CERKL: variants seen among roughly 807,000 people sequenced by gnomAD.
CERKL encodes ceramide kinase-like protein.
In CERKL, 61 loss-of-function variants were observed where a neutral mutation model predicts 63.4. That is an observed-to-expected ratio of 0.96 (90% CI 0.78 to 1.19). CERKL has a LOEUF of 1.19. CERKL is among the 50% of genes most tolerant of loss of function. The pLI is 0.00. For missense variants in CERKL, 675 were observed against 655.5 expected (o/e 1.03, Z -0.33); for synonymous variants, 250 against 230.5 (o/e 1.08, Z -0.77).
chr2:181,626,232 G>C (rs560775956), intron 1 of CERKL, among the ~76,000 whole-genome samples: 1 of 152,010 alleles, frequency 6.6e-6, no homozygotes, highest in South Asian at 2.1e-4. Context: ...TTTTTTGATG[G>C]ATCTCTGAAT....
At chr2:181,539,037 A>T in intron 12 of CERKL, 55 bp downstream of exon 12, 1 of 1,255,350 alleles carries the variant, frequency 8.0e-7, no homozygotes, top group Non-Finnish European at 1.2e-6. Flanking sequence ...CTTTCGTTGT[A>T]ATATTAGATT....
chr2:181,542,476 T>C (rs917353402), intron 11 of CERKL, among the ~76,000 whole-genome samples: 2 of 152,170 alleles, frequency 1.3e-5, no homozygotes, highest in African/African-American at 2.4e-5. Flanking sequence ...TTTATATAAA[T>C]TCACATTTTT....
At position 181,549,633 on chromosome 2, in the gene CERKL, C is replaced by T. The variant is rs1283975197; in HGVS notation, c.895+1G>A. 2 of 1,598,330 alleles carry T rather than the reference C, an allele frequency of 1.3e-6. No individual in the cohort carries two copies. The highest frequency in any genetic ancestry group is 1.7e-6 in the Non-Finnish European group (2 of 1,165,928). On this transcript the variant is annotated splice_donor_variant, in intron 6 of 12. Transcript: ENST00000410087. LOFTEE classifies it high-confidence loss of function. ...ATGAACTGCTTTGGAAGAATTCTTA[C>T]CCATTATAATGTGCAATGTTGCAGT...
chr2:181,587,443 C>T (rs977224222), intron 2 of CERKL, among the ~76,000 whole-genome samples: 1 of 152,098 alleles, frequency 6.6e-6, no homozygotes, highest in African/African-American at 2.4e-5. Context: ...AAAATTCAGC[C>T]AAATGTGTCA....
At chr2:181,539,371 G>A in intron 11 of CERKL, 107 bp from the exon 12 acceptor site, 1 of 733,886 alleles carries the variant, frequency 1.4e-6, no homozygotes, top group South Asian at 1.7e-5. Context: ...CATGTATGCT[G>A]ACATTTTAAT....
intron 1 of CERKL, among the ~76,000 whole-genome samples, chr2:181,615,107 G>A (rs937261430): frequency 6.6e-6 from 1 of 152,126 alleles, no homozygotes; most frequent in Non-Finnish European, 1.5e-5. Flanking sequence ...GTTCTTGCAA[G>A]GAACTTAAGT....
At chr2:181,555,338 A>T (rs891837814) in intron 5 of CERKL, among the ~76,000 whole-genome samples, 14 of 152,322 alleles carry the variant, frequency 9.2e-5, no homozygotes, top group African/African-American at 3.1e-4. Context: ...AAAGTAAAGC[A>T]AAAAGGTCAA....
intron 1 of CERKL, among the ~76,000 whole-genome samples, chr2:181,605,658 G>GA (rs1392784794): frequency 1.3e-5 from 2 of 151,814 alleles, no homozygotes; most frequent in Admixed American, 6.6e-5. Flanking sequence ...TACAGGAATA[G>GA]AAAAAAAATT....
intron 1 of CERKL, among the ~76,000 whole-genome samples, chr2:181,623,842 A>T (rs780493933): frequency 1.3e-5 from 2 of 152,208 alleles, no homozygotes; most frequent in African/African-American, 2.4e-5. Context: ...CATCCCTCTT[A>T]GCATGGGCAT....
At chr2:181,539,070 G>T in intron 12 of CERKL, 22 bp downstream of exon 12, 1 of 1,474,634 alleles carries the variant, frequency 6.8e-7, no homozygotes, top group Non-Finnish European at 9.5e-7. Flanking sequence ...TTGACAATAA[G>T]CGGTGAAATA....
intron 2 of CERKL, chr2:181,603,182 CA>C (rs34538267): frequency 1.4e-5 from 3 of 210,046 alleles, no homozygotes; most frequent in South Asian, 6.5e-5. Flanking sequence ...TAAGATTATT[CA>C]AAAAAATCTT....
chr2:181,593,930 C>T (rs533907153), intron 2 of CERKL, among the ~76,000 whole-genome samples: 14 of 151,474 alleles, frequency 9.2e-5, no homozygotes, highest in African/African-American at 3.1e-4. Flanking sequence ...TCTTGTTCTA[C>T]CACTTTATAA....
intron 1 of CERKL, among the ~76,000 whole-genome samples, chr2:181,630,273 T>C (rs1359548000): frequency 6.6e-6 from 1 of 152,108 alleles, no homozygotes; most frequent in Non-Finnish European, 1.5e-5. Flanking sequence ...CTTGAACTTC[T>C]GGGCTTAAGC....
At position 181,539,129 on chromosome 2, in the gene CERKL, C is replaced by T. The variant is rs544122780; in HGVS notation, c.1501G>A (p.Gly501Ser). 2 of 1,608,198 alleles carry T rather than the reference C, an allele frequency of 1.2e-6. No homozygotes were observed. Among genetic ancestry groups the T allele is most frequent in the African/African-American group, 1.3e-5 (1 of 74,876 alleles). ...TCTGATGCAACTTCCATTAAGTCAC[C>T]ATCTACATTCCAAGGGAAACAATTT... Reference protein sequence around the residue: ...SENCFPWNVDGDLMEVASEVH... With the variant: ...SENCFPWNVDSDLMEVASEVH... Residue 501 changes from glycine to serine, a missense_variant, in exon 12 of 13, where the codon GGT becomes AGT. Transcript: ENST00000410087.
intron 2 of CERKL, among the ~76,000 whole-genome samples, chr2:181,597,379 C>T (rs900814252): frequency 6.6e-5 from 10 of 152,002 alleles, no homozygotes; most frequent in Admixed American, 5.2e-4. Context: ...CTTCTTTTTT[C>T]CAACATAGCT....
At chr2:181,596,272 T>A (rs1685205709) in intron 2 of CERKL, among the ~76,000 whole-genome samples, 1 of 152,208 alleles carries the variant, frequency 6.6e-6, no homozygotes, top group Non-Finnish European at 1.5e-5. Flanking sequence ...ATAATTTTCT[T>A]GTATAAGACA....
chr2:181,597,454 G>A (rs1394250981), intron 2 of CERKL, among the ~76,000 whole-genome samples: 3 of 152,164 alleles, frequency 2.0e-5, no homozygotes, highest in Non-Finnish European at 4.4e-5. Context: ...AAATGGACAA[G>A]TTTCTAATGG....
chr2:181,580,916 C>T (rs565574210), intron 2 of CERKL, among the ~76,000 whole-genome samples: 25 of 152,136 alleles, frequency 1.6e-4, no homozygotes, highest in African/African-American at 5.5e-4. Flanking sequence ...AAAAAATGCC[C>T]GTTTCTTTGG....
intron 1 of CERKL, among the ~76,000 whole-genome samples, chr2:181,648,433 C>T (rs4018755): frequency 0.44 from 66,702 of 151,788 alleles, 16,258 homozygotes; most frequent in South Asian, 0.78. Context: ...CGGCCAAGGA[C>T]AAAAGATACT....
Sources: allele counts gnomAD v4.1 joint callset (sites outside exome capture counted in the v4.1 genomes callset), GRCh38; gene constraint gnomAD v4.1.1; transcripts MANE v1.5; gene names NCBI Gene and HGNC (gene_info 2026-07-23, HGNC 2026-07-21).